KAZN: variants seen among roughly 807,000 people sequenced by gnomAD.
KAZN encodes kazrin.
A neutral mutation model predicts 87.4 loss-of-function variants in KAZN; 40 were observed. The ratio of observed to expected loss-of-function variants is 0.46; its 90% CI spans 0.36 to 0.60. The LOEUF is 0.60. Among genes scored for constraint, KAZN ranks in the 20% least tolerant of loss-of-function variants. KAZN has a pLI of 0.00. For synonymous variants in KAZN, 466 were observed against 458.3 expected (o/e 1.02, Z -0.22); for missense variants, 898 against 1,073.9 (o/e 0.84, Z 2.29).
intron 2 of KAZN, among the ~76,000 whole-genome samples, chr1:14,394,087 CG>C (rs1332624510): frequency 6.6e-6 from 1 of 152,078 alleles, no homozygotes; most frequent in Non-Finnish European, 1.5e-5. Context: ...ATGGGCAGGA[CG>C]GAAGAAAAGA....
chr1:14,350,065 C>T (rs148110122), intron 2 of KAZN, among the ~76,000 whole-genome samples: 1,883 of 145,020 alleles, frequency 0.013, 22 homozygotes, highest in South Asian at 0.027. Flanking sequence ...ACCTGGGAGG[C>T]GGAGCTTGCA....
In KAZN at chr1:14,867,066, C is replaced by G. The variant is rs72870356; in HGVS notation, c.227-93618C>G. On this transcript the variant is annotated intron_variant, in intron 1 of 14. Coordinates refer to ENST00000376030, the MANE Select transcript of KAZN (RefSeq NM_201628.3). ...CTGATGGACTGCTGACCTTGCAATG[C>G]CCTTCTCTTGAATCCCAAGTTCGGG... 2.9e-3 allele frequency among the ~76,000 whole-genome samples: 432 copies of G among 149,460 alleles called. 1 individual carries two copies. Among genetic ancestry groups the G allele is most frequent in the African/African-American group, 1.0e-2 (409 of 41,042 alleles).
intron 2 of KAZN, among the ~76,000 whole-genome samples, chr1:14,298,123 G>A (rs1324357929): frequency 1.3e-5 from 2 of 152,142 alleles, no homozygotes; most frequent in Non-Finnish European, 2.9e-5. Context: ...TACTTGGGGG[G>A]CTGAGGCCAG....
At chr1:14,415,178 A>G (rs1422995101) in intron 2 of KAZN, among the ~76,000 whole-genome samples, 1 of 152,192 alleles carries the variant, frequency 6.6e-6, no homozygotes, top group Non-Finnish European at 1.5e-5. Context: ...ATCTAGTGTC[A>G]GCTACATTAT....
chr1:14,494,928 C>A (rs550672453), intron 2 of KAZN, among the ~76,000 whole-genome samples: 1 of 152,216 alleles, frequency 6.6e-6, no homozygotes, highest in Admixed American at 6.5e-5. Flanking sequence ...GAACTTCCCC[C>A]ACAGCTGACC....
intron 2 of KAZN, among the ~76,000 whole-genome samples, chr1:14,356,530 AT>A (rs1659041643): frequency 6.6e-6 from 1 of 151,114 alleles, no homozygotes; most frequent in African/African-American, 2.4e-5. Context: ...GATTGCCTAG[AT>A]TTTCTTCTAG....
chr1:14,606,008 T>C (rs1457802609), intron 1 of KAZN, among the ~76,000 whole-genome samples: 1 of 152,242 alleles, frequency 6.6e-6, no homozygotes, highest in Non-Finnish European at 1.5e-5. Flanking sequence ...GCAGGTACCA[T>C]GCTCGTACCC....
At chr1:14,077,565 C>T (rs1342581832) in intron 1 of KAZN, among the ~76,000 whole-genome samples, 1 of 152,048 alleles carries the variant, frequency 6.6e-6, no homozygotes. Flanking sequence ...GAAGATGGAC[C>T]TTGTATTGAT....
Position 13,938,238 on chromosome 1 carries a change from G to A in KAZN, c.91+44482G>A, listed in dbSNP as rs1424758902. 5.9e-5 allele frequency among the ~76,000 whole-genome samples: 9 copies of A among 152,230 alleles called. No individual in the cohort carries two copies. The East Asian group carries it at 9.6e-4, about 16-fold the overall frequency. On this transcript the variant is annotated intron_variant, in intron 1 of 16. Coordinates refer to the KAZN transcript ENST00000636203. ...TTTTGTAGTTCTCCTTGTAGAGATC[G>A]TTCAGCTCCTTGGTTAAATGTATTC...
At position 13,966,404 on chromosome 1, in the gene KAZN, G is replaced by A. The variant is rs187150992; in HGVS notation, c.91+72648G>A. Among the ~76,000 whole-genome samples the A allele has an allele frequency of 2.0e-3, 307 of 152,290 alleles. 2 individuals carry two copies. The highest frequency in any genetic ancestry group is 7.1e-3 in the African/African-American group (296 of 41,564). On this transcript the variant is annotated intron_variant, in intron 1 of 16. Transcript: ENST00000636203. Reference sequence around the variant, plus strand: ...GGCTCTGACCTGTCTTTACAGTGGCGGCAGCAGGTCCTCACAGTGCTTTCT... The same window carrying A: ...GGCTCTGACCTGTCTTTACAGTGGCAGCAGCAGGTCCTCACAGTGCTTTCT...
chr1:14,206,758 G>A (rs979206436), intron 2 of KAZN, among the ~76,000 whole-genome samples: 24 of 139,040 alleles, frequency 1.7e-4, no homozygotes, highest in African/African-American at 6.3e-4. Context: ...ATTTTCCCAT[G>A]CCATTAAACA....
intron 2 of KAZN, among the ~76,000 whole-genome samples, chr1:14,978,526 C>T (rs1186649732): frequency 1.3e-5 from 2 of 152,094 alleles, no homozygotes; most frequent in African/African-American, 2.4e-5. Flanking sequence ...TCTTGCAGAC[C>T]GACCTGGGAA....
intron 2 of KAZN, among the ~76,000 whole-genome samples, chr1:14,491,564 C>G (rs942533991): frequency 6.6e-6 from 1 of 152,144 alleles, no homozygotes; most frequent in Admixed American, 6.5e-5. Flanking sequence ...AATGAGAATA[C>G]CTTCTGTATT....
chr1:14,575,355 G>T (rs963293093), intron 2 of KAZN, among the ~76,000 whole-genome samples: 4 of 152,124 alleles, frequency 2.6e-5, no homozygotes, highest in Non-Finnish European at 5.9e-5. Flanking sequence ...GAAGGCAAAA[G>T]GCACATCTTA....
At chr1:14,344,571 C>G (rs1241189991) in intron 2 of KAZN, among the ~76,000 whole-genome samples, 1 of 151,792 alleles carries the variant, frequency 6.6e-6, no homozygotes, top group African/African-American at 2.4e-5. Flanking sequence ...ATGGAGAGAA[C>G]ATAGACCTCA....
chr1:15,001,200 G>T (rs761779344), intron 2 of KAZN, among the ~76,000 whole-genome samples: 2 of 151,820 alleles, frequency 1.3e-5, no homozygotes, highest in Admixed American at 1.3e-4. Context: ...GGTGGTTCAC[G>T]CCTGTAATCC....
intron 1 of KAZN, among the ~76,000 whole-genome samples, chr1:14,932,053 C>T (rs911681450): frequency 6.6e-6 from 1 of 152,164 alleles, no homozygotes; most frequent in Admixed American, 6.5e-5. Flanking sequence ...ACCCTGCTCC[C>T]GGCTCCAGGC....
intron 1 of KAZN, among the ~76,000 whole-genome samples, chr1:14,772,134 A>G (rs945113817): frequency 1.2e-4 from 19 of 152,048 alleles, no homozygotes; most frequent in Admixed American, 3.9e-4. Flanking sequence ...TTCCCTTCTC[A>G]TCTTGCATTT....
chr1:14,291,611 A>T (rs1653699048), intron 2 of KAZN, among the ~76,000 whole-genome samples: 3 of 152,114 alleles, frequency 2.0e-5, no homozygotes, highest in Admixed American at 2.0e-4. Flanking sequence ...TTGGCTAGGA[A>T]AGGGAAATCC....
Sources: allele counts gnomAD v4.1 joint callset (sites outside exome capture counted in the v4.1 genomes callset), GRCh38; gene constraint gnomAD v4.1.1; transcripts MANE v1.5; gene names NCBI Gene and HGNC (gene_info 2026-07-23, HGNC 2026-07-21).